ROBO2: variants seen among roughly 807,000 people sequenced by gnomAD.
ROBO2 encodes the protein roundabout guidance receptor 2, also known as roundabout homolog 2.
ROBO2 carries 53 observed loss-of-function variants against 160.8 expected under a neutral mutation model. The observed-to-expected ratio is 0.33, with a 90% CI of 0.26 to 0.41. The LOEUF (loss-of-function observed/expected upper bound fraction) is 0.41, where lower values mean the gene tolerates loss of function less well. Ranked by LOEUF, ROBO2 falls within the 10% of genes least tolerant of loss-of-function variation. ROBO2 has a pLI of 1.00. For synonymous variants in ROBO2, 664 were observed against 611.7 expected, an observed-to-expected ratio of 1.09 and a Z score of -1.26; for missense variants, 1,577 against 1,722.4, an observed-to-expected ratio of 0.92 and a Z score of 1.49.
At chr3:77,045,519 G>C (rs562926078) in intron 1 of ROBO2, among the ~76,000 whole-genome samples, 1 of 152,132 alleles carries the variant, frequency 6.6e-6, no homozygotes, top group Non-Finnish European at 1.5e-5. Flanking sequence ...ACTACTTGAC[G>C]TCTTTGCTTC....
At chr3:76,703,130 A>G (rs2093082254) in intron 2 of ROBO2, among the ~76,000 whole-genome samples, 1 of 152,134 alleles carries the variant, frequency 6.6e-6, no homozygotes, top group South Asian at 2.1e-4. Context: ...ATTCAGTAAA[A>G]CAAATACAGG....
chr3:76,141,813 T>C (rs1007067420), intron 2 of ROBO2, among the ~76,000 whole-genome samples: 35 of 152,106 alleles, frequency 2.3e-4, no homozygotes, highest in African/African-American at 8.2e-4. Context: ...AAGAGGTCAA[T>C]GTTAATTATG....
intron 2 of ROBO2, among the ~76,000 whole-genome samples, chr3:76,498,411 T>C (rs568945862): frequency 1.1e-4 from 17 of 152,092 alleles, no homozygotes; most frequent in Non-Finnish European, 1.8e-4. Context: ...TCAATAACAG[T>C]ATATTGTATT....
At chr3:77,265,363 A>G (rs1580486052) in intron 2 of ROBO2, among the ~76,000 whole-genome samples, 1 of 152,300 alleles carries the variant, frequency 6.6e-6, no homozygotes, top group East Asian at 1.9e-4. Context: ...CCATTAGAAG[A>G]TTGATCTTGT....
At chr3:77,079,677 G>T (rs2068425810) in intron 1 of ROBO2, among the ~76,000 whole-genome samples, 1 of 152,230 alleles carries the variant, frequency 6.6e-6, no homozygotes, top group East Asian at 1.9e-4. Context: ...GTTAATTACT[G>T]TGTCCTCATA....
chr3:76,506,086 G>A (rs536176135), intron 2 of ROBO2, among the ~76,000 whole-genome samples: 1 of 152,232 alleles, frequency 6.6e-6, no homozygotes, highest in South Asian at 2.1e-4. Flanking sequence ...TTATCCCCCT[G>A]AAACAGCTCT....
chr3:76,094,867 G>C (rs2069375917), intron 2 of ROBO2, among the ~76,000 whole-genome samples: 1 of 152,160 alleles, frequency 6.6e-6, no homozygotes, highest in Non-Finnish European at 1.5e-5. Flanking sequence ...TAGATGCTTT[G>C]TACTATCAAC....
At chr3:76,565,365 G>A (rs1416479328) in intron 2 of ROBO2, among the ~76,000 whole-genome samples, 3 of 152,160 alleles carry the variant, frequency 2.0e-5, no homozygotes, top group Non-Finnish European at 4.4e-5. Context: ...AAATCTGTGT[G>A]TAGTCACTGA....
intron 2 of ROBO2, among the ~76,000 whole-genome samples, chr3:76,424,605 CTG>C (rs1272567143): frequency 6.6e-6 from 1 of 152,028 alleles, no homozygotes; most frequent in Non-Finnish European, 1.5e-5. Flanking sequence ...ATTAGCAACA[CTG>C]TGTTATATAG....
At chr3:76,642,628 A>G (rs2090753212) in intron 2 of ROBO2, among the ~76,000 whole-genome samples, 1 of 152,014 alleles carries the variant, frequency 6.6e-6, no homozygotes. Flanking sequence ...CTGGGGTTAC[A>G]GGTGTGAGCC....
chr3:77,281,818 T>C (rs2060258461), intron 2 of ROBO2, among the ~76,000 whole-genome samples: 1 of 152,060 alleles, frequency 6.6e-6, no homozygotes, highest in Non-Finnish European at 1.5e-5. Flanking sequence ...TAGATTCTCA[T>C]AAGGAGCAGG....
chr3:76,542,017 C>A (rs182701761), intron 2 of ROBO2, among the ~76,000 whole-genome samples: 5 of 152,222 alleles, frequency 3.3e-5, no homozygotes, highest in Admixed American at 2.6e-4. Context: ...TTCTTCCCTC[C>A]TCTCTGCCAC....
chr3:76,489,483 A>T (rs1280283911), intron 2 of ROBO2, among the ~76,000 whole-genome samples: 1 of 152,170 alleles, frequency 6.6e-6, no homozygotes, highest in Non-Finnish European at 1.5e-5. Context: ...TAAACCACAC[A>T]GTGAATTCTC....
intron 2 of ROBO2, among the ~76,000 whole-genome samples, chr3:77,399,681 T>C (rs940185806): frequency 2.0e-5 from 3 of 152,190 alleles, no homozygotes; most frequent in Non-Finnish European, 4.4e-5. Flanking sequence ...GTAATAGATA[T>C]AGAGTTCGTG....
chr3:77,133,027 G>A (rs923928722), intron 2 of ROBO2, among the ~76,000 whole-genome samples: 1 of 152,078 alleles, frequency 6.6e-6, no homozygotes, highest in Non-Finnish European at 1.5e-5. Context: ...AGTTAGCTAC[G>A]AATAGGAGCA....
chr3:77,461,123 A>G (rs1238917892), intron 2 of ROBO2, among the ~76,000 whole-genome samples: 1 of 152,196 alleles, frequency 6.6e-6, no homozygotes, highest in African/African-American at 2.4e-5. Context: ...GTGGTAAAAA[A>G]TAATATGTTT....
intron 2 of ROBO2, among the ~76,000 whole-genome samples, chr3:76,650,512 G>A (rs1472377230): frequency 6.9e-6 from 1 of 143,888 alleles, no homozygotes; most frequent in Non-Finnish European, 1.5e-5. Flanking sequence ...TTTATTTTCT[G>A]TTGTGAGGGA....
intron 2 of ROBO2, among the ~76,000 whole-genome samples, chr3:76,125,433 C>G (rs540082876): frequency 2.0e-5 from 3 of 152,250 alleles, no homozygotes; most frequent in Admixed American, 6.5e-5. Context: ...CTACTTTCCA[C>G]AGCGATTGGA....
chr3:76,207,023 A>C (rs893276475), intron 2 of ROBO2, among the ~76,000 whole-genome samples: 6 of 152,302 alleles, frequency 3.9e-5, no homozygotes, highest in Non-Finnish European at 7.3e-5. Context: ...TAGAACCATT[A>C]ATATGCAAGG....
Sources: allele counts gnomAD v4.1 joint callset (sites outside exome capture counted in the v4.1 genomes callset), GRCh38; gene constraint gnomAD v4.1.1; transcripts MANE v1.5; gene names NCBI Gene and HGNC (gene_info 2026-07-23, HGNC 2026-07-21).